PTPRG: variants seen among roughly 807,000 people sequenced by gnomAD.
The protein encoded by PTPRG is receptor-type tyrosine-protein phosphatase gamma.
Under a neutral mutation model 165.3 loss-of-function variants are expected in PTPRG, and 102 were observed. The observed-to-expected ratio is 0.62, with a 90% confidence interval of 0.53 to 0.73. The LOEUF (loss-of-function observed/expected upper bound fraction) is 0.73, where lower values mean the gene tolerates loss of function less well. Among genes scored for constraint, PTPRG ranks in the 30% least tolerant of loss-of-function variants. The probability of loss-of-function intolerance (pLI) is 0.00; values close to 1 mark genes in which losing one functional copy is unlikely to be tolerated. For missense variants in PTPRG, 1,866 were observed against 1,861.4 expected, an observed-to-expected ratio of 1.00 and a Z score of -0.05; for synonymous variants, 675 against 669.5, an observed-to-expected ratio of 1.01 and a Z score of -0.13.
At chr3:61,849,405 G>A (rs1156675046) in intron 2 of PTPRG, among the ~76,000 whole-genome samples, 3 of 152,140 alleles carry the variant, frequency 2.0e-5, no homozygotes, top group African/African-American at 7.2e-5. Context: ...GAAATGCGGT[G>A]AAAAGATATG....
intron 2 of PTPRG, among the ~76,000 whole-genome samples, chr3:61,766,530 G>T (rs1294428624): frequency 6.6e-6 from 1 of 151,874 alleles, no homozygotes; most frequent in African/African-American, 2.4e-5. Flanking sequence ...TGGAATTTCA[G>T]CTCTCTTTAG....
At chr3:62,105,417 A>C (rs1311781199) in intron 5 of PTPRG, among the ~76,000 whole-genome samples, 1 of 152,312 alleles carries the variant, frequency 6.6e-6, no homozygotes, top group East Asian at 1.9e-4. Context: ...ATGTTGCTCC[A>C]AATGAATTTC....
chr3:61,666,221 A>G (rs1237633036), intron 1 of PTPRG, among the ~76,000 whole-genome samples: 1 of 152,252 alleles, frequency 6.6e-6, no homozygotes, highest in African/African-American at 2.4e-5. Context: ...GCGCCGCAGC[A>G]GAGCTGCTGA....
Position 62,273,112 on chromosome 3 carries a change from A to G in PTPRG, c.3318+31A>G, listed in dbSNP as rs542565712. 3.5e-4 allele frequency: 551 copies of G among 1,578,426 alleles called. 6 individuals are homozygous for G. In the South Asian group the frequency reaches 5.1e-3, roughly 15 times the overall value. ...GAGTAGCTGCCAGCGTCCTCACGAC[A>G]TTCTGGCAAATGCTGTAACTGAAAT... is the stretch of plus-strand genomic sequence containing the variant. On this transcript the variant is annotated intron_variant, in intron 22 of 29. Coordinates refer to ENST00000474889, the MANE Select transcript of PTPRG (RefSeq NM_002841.4). The surrounding 1 kb of genome is among the most constrained non-coding windows in gnomAD (Gnocchi z 4.1).
chr3:61,859,185 G>T (rs1032272511), intron 2 of PTPRG, among the ~76,000 whole-genome samples: 4 of 152,052 alleles, frequency 2.6e-5, no homozygotes, highest in African/African-American at 9.7e-5. Flanking sequence ...ATGTTTTAAA[G>T]CTTTTATTAA....
intron 4 of PTPRG, among the ~76,000 whole-genome samples, chr3:62,065,208 T>G (rs868354271): frequency 6.6e-6 from 1 of 152,210 alleles, no homozygotes; most frequent in Non-Finnish European, 1.5e-5. Context: ...GAACTGCTTC[T>G]AGATATCTGT....
intron 2 of PTPRG, among the ~76,000 whole-genome samples, chr3:61,757,018 A>G (rs2033656306): frequency 6.6e-6 from 1 of 152,184 alleles, no homozygotes; most frequent in Non-Finnish European, 1.5e-5. Flanking sequence ...ATGTCTCCAA[A>G]GTAGCATTGT....
At chr3:62,183,366 C>G (rs1401889549) in intron 8 of PTPRG, among the ~76,000 whole-genome samples, 1 of 152,062 alleles carries the variant, frequency 6.6e-6, no homozygotes, top group African/African-American at 2.4e-5. Flanking sequence ...GAGTTCGAGA[C>G]CAGCCTGGCC....
intron 2 of PTPRG, among the ~76,000 whole-genome samples, chr3:61,957,036 T>C (rs1250528479): frequency 2.0e-5 from 3 of 152,222 alleles, no homozygotes; most frequent in Non-Finnish European, 4.4e-5. Context: ...TTCCCTTGTA[T>C]CACTAAATCA....
At chr3:61,629,654 G>A (rs1701713002) in intron 1 of PTPRG, among the ~76,000 whole-genome samples, 1 of 152,170 alleles carries the variant, frequency 6.6e-6, no homozygotes, top group South Asian at 2.1e-4. Context: ...GCCAGCTGTG[G>A]GCATTGACAG....
chr3:62,180,386 AAAG>A (rs1447907309), intron 8 of PTPRG, among the ~76,000 whole-genome samples: 3 of 152,190 alleles, frequency 2.0e-5, no homozygotes, highest in Non-Finnish European at 4.4e-5. Context: ...CATCGTTATG[AAAG>A]AAGGACACTG....
At chr3:61,770,870 A>C (rs2034186620) in intron 2 of PTPRG, 1 of 152,174 alleles carries the variant, frequency 6.6e-6, no homozygotes, top group Non-Finnish European at 1.5e-5. Flanking sequence ...TGACACGGAC[A>C]AGGGTGCTCT....
At position 61,562,342 on chromosome 3, in the gene PTPRG, TC is replaced by T; in HGVS notation, c.57del (p.Val20CysfsTer11). On this transcript the variant is annotated frameshift_variant, in exon 1 of 30. Transcript: ENST00000474889. LOFTEE classifies it high-confidence loss of function. ...GATTTTGTTCCTGAAAATCACCAGT[TC>T]CGTGCTCCATTATGTCGTGTGCTTC... ...WWILFLKITS[S>X]VLHYVVCFPA... 1 of 1,613,670 alleles carries T rather than the reference TC, an allele frequency of 6.2e-7. No individual in the cohort carries two copies. Among genetic ancestry groups the T allele is most frequent in the Non-Finnish European group, 8.5e-7 (1 of 1,179,678 alleles).
chr3:61,732,240 G>T (rs2032528606), intron 1 of PTPRG, among the ~76,000 whole-genome samples: 1 of 152,150 alleles, frequency 6.6e-6, no homozygotes, highest in Non-Finnish European at 1.5e-5. Context: ...TAAAAATGTT[G>T]ATGAGATATT....
At chr3:62,124,149 C>T in intron 5 of PTPRG, 2 of 647,414 alleles carry the variant, frequency 3.1e-6, no homozygotes. Flanking sequence ...TTAAAAGGTT[C>T]TGTGAATTTG....
At chr3:61,871,163 G>GTGTTA (rs201503322) in intron 2 of PTPRG, among the ~76,000 whole-genome samples, 2,568 of 116,630 alleles carry the variant, frequency 0.022, 151 homozygotes, top group Non-Finnish European at 0.031. Context: ...GTGTTGTGTT[G>GTGTTA]TGTTATGTTA....
chr3:61,800,461 T>A (rs973047854), intron 2 of PTPRG, among the ~76,000 whole-genome samples: 5 of 152,032 alleles, frequency 3.3e-5, no homozygotes, highest in African/African-American at 1.2e-4. Context: ...CTTGGCTGGG[T>A]TAGAGATTGT....
At chr3:61,955,271 A>G (rs2040004235) in intron 2 of PTPRG, among the ~76,000 whole-genome samples, 1 of 152,198 alleles carries the variant, frequency 6.6e-6, no homozygotes, top group Non-Finnish European at 1.5e-5. Flanking sequence ...TTTTAACTGG[A>G]AAATGTGAAT....
chr3:61,705,514 A>C (rs1179517367), intron 1 of PTPRG, among the ~76,000 whole-genome samples: 2 of 152,152 alleles, frequency 1.3e-5, no homozygotes, highest in African/African-American at 4.8e-5. Flanking sequence ...GTTTAAAGAA[A>C]AAAAAAATAC....
Sources: gnomAD v4.1 joint callset for allele counts (sites outside exome capture counted in the v4.1 genomes callset) on GRCh38, gnomAD v4.1.1 for gene constraint, Gnocchi (gnomAD v3.1) non-coding constraint, MANE v1.5 for transcripts, NCBI Gene and HGNC (gene_info 2026-07-23, HGNC 2026-07-21) for gene names.